Variants in SPON1 observed in about 807,000 individuals in gnomAD.
SPON1 encodes the protein spondin 1.
In SPON1, 52 loss-of-function variants were observed where a neutral mutation model predicts 111.7. The observed-to-expected ratio is 0.47, with a 90% confidence interval of 0.37 to 0.59. SPON1 has a LOEUF of 0.59. Ranked by LOEUF, SPON1 falls within the 20% of genes least tolerant of loss-of-function variation. The pLI is 0.00. For missense variants in SPON1, 957 were observed against 1,068.5 expected, an observed-to-expected ratio of 0.90 and a Z score of 1.46; for synonymous variants, 410 against 395.8, an observed-to-expected ratio of 1.04 and a Z score of -0.43.
intron 6 of SPON1, among the ~76,000 whole-genome samples, chr11:14,214,623 T>C (rs1554937011): frequency 6.6e-6 from 1 of 152,176 alleles, no homozygotes; most frequent in African/African-American, 2.4e-5. Flanking sequence ...GCAAGTGAGA[T>C]GATGAGCCAT....
chr11:14,085,165 A>C (rs575570969), intron 5 of SPON1, among the ~76,000 whole-genome samples: 36 of 152,094 alleles, frequency 2.4e-4, no homozygotes, highest in African/African-American at 8.7e-4. Flanking sequence ...CCCATTTGTC[A>C]ATTTTGGCTT....
chr11:14,228,591 C>A lies in SPON1; in HGVS notation c.826-14741C>A, dbSNP rs1318209082. Among the ~76,000 whole-genome samples the A allele has an allele frequency of 6.6e-6, 1 of 152,220 alleles. No individual in the cohort carries two copies. Among genetic ancestry groups the A allele is most frequent in the African/African-American group, 2.4e-5 (1 of 41,444 alleles). On this transcript the variant is annotated intron_variant, in intron 6 of 15. Coordinates refer to ENST00000576479, the MANE Select transcript of SPON1 (RefSeq NM_006108.4). The surrounding 1 kb of genome is among the most constrained non-coding windows in gnomAD (Gnocchi z 4.2). ...TGACCTTTGTGCCCCTGGAGGATCA[C>A]TGGATGAGGGTCACCCTGGAAGGAA...
At chr11:14,136,288 AC>A (rs1554928075) in intron 6 of SPON1, among the ~76,000 whole-genome samples, 1 of 152,166 alleles carries the variant, frequency 6.6e-6, no homozygotes, top group East Asian at 1.9e-4. Flanking sequence ...AGCCATCACT[AC>A]CCACAAAAGC....
intron 2 of SPON1, among the ~76,000 whole-genome samples, chr11:14,026,937 C>A (rs1848523213): frequency 6.6e-6 from 1 of 152,164 alleles, no homozygotes; most frequent in African/African-American, 2.4e-5. Context: ...TCCAGGCAGC[C>A]ATTTGTCCAC....
chr11:14,157,647 C>T (rs1252410749), intron 6 of SPON1, among the ~76,000 whole-genome samples: 5 of 152,006 alleles, frequency 3.3e-5, no homozygotes, highest in African/African-American at 1.2e-4. Context: ...TTCTCCTTTC[C>T]TTCTGGAACT....
chr11:14,021,591 A>T (rs2133803870), intron 2 of SPON1, among the ~76,000 whole-genome samples: 1 of 152,320 alleles, frequency 6.6e-6, no homozygotes, highest in Non-Finnish European at 1.5e-5. Flanking sequence ...GAGCCAAATC[A>T]CATTTTAGAA....
At chr11:14,100,777 T>C (rs1554924311) in intron 5 of SPON1, among the ~76,000 whole-genome samples, 3 of 152,360 alleles carry the variant, frequency 2.0e-5, no homozygotes, top group East Asian at 3.9e-4. Context: ...AAGAGTATTT[T>C]TATAATACAT....
At position 14,244,315 on chromosome 11, in the gene SPON1, C is replaced by G. The variant is rs542440777; in HGVS notation, c.890+919C>G. Reference sequence around the variant, plus strand: ...CGGGCAGATCACGAGGTCAGGAGATCGAGACCATGCTGGCCAACATGGTGA... The same window carrying G: ...CGGGCAGATCACGAGGTCAGGAGATGGAGACCATGCTGGCCAACATGGTGA... On this transcript the variant is annotated intron_variant, in intron 7 of 15. Transcript: ENST00000576479. Among the ~76,000 whole-genome samples, 8 of 152,178 alleles carry G rather than the reference C, an allele frequency of 5.3e-5. No homozygotes were observed. In the South Asian group the frequency reaches 1.0e-3, roughly 20 times the overall value.
intron 2 of SPON1, among the ~76,000 whole-genome samples, chr11:14,034,337 T>C (rs1249960222): frequency 6.6e-6 from 1 of 151,200 alleles, no homozygotes; most frequent in Non-Finnish European, 1.5e-5. Context: ...AATGAATGAC[T>C]GCCATTTAGT....
intron 6 of SPON1, among the ~76,000 whole-genome samples, chr11:14,189,897 G>T (rs1324228250): frequency 3.3e-5 from 5 of 152,090 alleles, no homozygotes; most frequent in African/African-American, 1.2e-4. Context: ...ACAGTTAGCT[G>T]GTCAAAAATA....
intron 14 of SPON1, among the ~76,000 whole-genome samples, chr11:14,260,955 A>C (rs1849164646): frequency 6.6e-6 from 1 of 152,214 alleles, no homozygotes; most frequent in African/African-American, 2.4e-5. Context: ...TACCGTCTAC[A>C]GAACACCCAA....
chr11:13,995,542 C>T (rs188709496), intron 2 of SPON1, among the ~76,000 whole-genome samples: 17 of 152,244 alleles, frequency 1.1e-4, no homozygotes, highest in African/African-American at 2.9e-4. Context: ...TCACTTATCA[C>T]GAGAACAGCA....
chr11:14,118,239 G>A (rs1241815900), intron 5 of SPON1, among the ~76,000 whole-genome samples: 1 of 152,190 alleles, frequency 6.6e-6, no homozygotes, highest in African/African-American at 2.4e-5. Flanking sequence ...TAGTGCTACA[G>A]TTCCTTCCCT....
chr11:14,257,707 T>A lies in SPON1; in HGVS notation c.1310-9T>A. 6.3e-7 allele frequency: 1 copy of A among 1,599,194 alleles called. No individual in the cohort carries two copies. Among genetic ancestry groups the A allele is most frequent in the Non-Finnish European group, 8.5e-7 (1 of 1,171,276 alleles). On this transcript the variant is annotated splice_polypyrimidine_tract_variant and intron_variant, in intron 10 of 15. Transcript: ENST00000576479. ...TTCCCAGGGAAAACATGTCAAACAC[T>A]CTTTCCAGATGACACCCCTGAAACC...
intron 6 of SPON1, among the ~76,000 whole-genome samples, chr11:14,181,633 A>G (rs1848235721): frequency 6.6e-6 from 1 of 152,210 alleles, no homozygotes; most frequent in Admixed American, 6.5e-5. Flanking sequence ...ACCAGGGATC[A>G]AAGCCTCACT....
intron 5 of SPON1, among the ~76,000 whole-genome samples, chr11:14,094,726 A>G (rs1849085177): frequency 6.6e-6 from 1 of 152,218 alleles, no homozygotes; most frequent in South Asian, 2.1e-4. Context: ...AAAATGAGGA[A>G]GGAAGAGAGT....
chr11:14,118,474 C>T (rs1354047388), intron 5 of SPON1, among the ~76,000 whole-genome samples: 3 of 152,128 alleles, frequency 2.0e-5, no homozygotes, highest in Admixed American at 6.5e-5. Flanking sequence ...TTGAGGGTGC[C>T]CTGAAATTAT....
chr11:14,187,357 C>A (rs763265264), intron 6 of SPON1, among the ~76,000 whole-genome samples: 12 of 152,088 alleles, frequency 7.9e-5, no homozygotes, highest in Non-Finnish European at 1.6e-4. Context: ...AGATTTGAAC[C>A]CCAACCTGTC....
intron 7 of SPON1, among the ~76,000 whole-genome samples, chr11:14,250,366 G>GTT (rs146125765): frequency 8.2e-5 from 11 of 133,850 alleles, no homozygotes; most frequent in East Asian, 4.4e-4. Flanking sequence ...CTCTGGGTCT[G>GTT]TTTTTTTTTT....
Sources: gnomAD v4.1 joint callset for allele counts (sites outside exome capture counted in the v4.1 genomes callset) on GRCh38, gnomAD v4.1.1 for gene constraint, Gnocchi (gnomAD v3.1) non-coding constraint, MANE v1.5 for transcripts, NCBI Gene and HGNC (gene_info 2026-07-23, HGNC 2026-07-21) for gene names.